ATP2B3: variants seen among roughly 807,000 people sequenced by gnomAD.
ATP2B3 encodes the protein plasma membrane calcium-transporting ATPase 3.
Under a neutral mutation model 70.8 loss-of-function variants are expected in ATP2B3, and 12 were observed. That is an observed-to-expected ratio of 0.17 (90% CI 0.11 to 0.27). The LOEUF (loss-of-function observed/expected upper bound fraction) is 0.27. Among genes scored for constraint, ATP2B3 ranks in the 10% least tolerant of loss-of-function variants. The pLI is 1.00. For missense variants in ATP2B3, 858 were observed against 1,118.5 expected (o/e 0.77, Z 3.32); for synonymous variants, 460 against 497.8 (o/e 0.92, Z 1.01).
chrX:153,532,174 A>G (rs782626460), intron 2 of ATP2B3, among the ~76,000 whole-genome samples: 1 of 112,538 alleles, frequency 8.9e-6, no homozygotes, highest in Admixed American at 9.3e-5. Flanking sequence ...AGTGAAAGAA[A>G]CATGTCTGTC....
At chrX:153,535,040 A>G (rs2090170163) in intron 2 of ATP2B3, among the ~76,000 whole-genome samples, 1 of 112,769 alleles carries the variant, frequency 8.9e-6, no homozygotes, top group African/African-American at 3.2e-5. Context: ...AGGCCAGGCC[A>G]TGTGCACTGA....
At chrX:153,551,775 G>A (rs1156959445) in intron 12 of ATP2B3, among the ~76,000 whole-genome samples, 3 of 112,218 alleles carry the variant, frequency 2.7e-5, no homozygotes, top group African/African-American at 6.5e-5. Flanking sequence ...ACAAAGTAAG[G>A]GAGAGTGCAC....
At chrX:153,522,097 A>G (rs1327437467) in intron 2 of ATP2B3, among the ~76,000 whole-genome samples, 2 of 112,502 alleles carry the variant, frequency 1.8e-5, no homozygotes, top group East Asian at 5.6e-4. Flanking sequence ...AGAGCTTAAC[A>G]GGTAGGGACA....
intron 4 of ATP2B3, 36 bp downstream of exon 4, chrX:153,541,592 G>C: frequency 8.3e-7 from 1 of 1,209,620 alleles, no homozygotes; most frequent in Non-Finnish European, 1.1e-6. Flanking sequence ...AGGAGGAAGA[G>C]GAATGGGGCT....
intron 21 of ATP2B3, among the ~76,000 whole-genome samples, chrX:153,566,316 C>T (rs2090706664): frequency 8.9e-6 from 1 of 112,952 alleles, no homozygotes; most frequent in Non-Finnish European, 1.9e-5. Context: ...AAGGACACCA[C>T]TGCACACTTG....
chrX:153,536,198 T>C lies in ATP2B3; in HGVS notation c.-50T>C. 2 of 1,161,733 alleles carry C rather than the reference T, an allele frequency of 1.7e-6. No homozygotes were observed. The highest frequency in any genetic ancestry group is 2.3e-6 in the Non-Finnish European group (2 of 866,817). ...GGGACCGTGGGTGGCCGCCTGTCCC[T>C]AGCTGTGGCTGAGCCAAGATTGCAC... On this transcript the variant is annotated 5_prime_UTR_variant, in exon 3 of 22. Coordinates refer to ENST00000263519, the MANE Select transcript of ATP2B3 (RefSeq NM_001001344.3).
chrX:153,524,244 G>A (rs2089999528), intron 2 of ATP2B3, among the ~76,000 whole-genome samples: 2 of 110,917 alleles, frequency 1.8e-5, no homozygotes, highest in South Asian at 7.7e-4. Context: ...GTGTCTGTGT[G>A]TGTGTGTGTG....
chrX:153,541,822 G>A lies in ATP2B3; in HGVS notation c.560G>A (p.Ser187Asn). 1 of 1,211,704 alleles carries A rather than the reference G, an allele frequency of 8.3e-7. No homozygotes were observed. Among genetic ancestry groups the A allele is most frequent in the Non-Finnish European group, 1.1e-6 (1 of 895,538 alleles). ...SKEKQFRGLQSRIEQEQKFTV... is the reference protein window; with the variant it reads ...SKEKQFRGLQNRIEQEQKFTV... ...GAGAAGCAGTTCCGAGGCCTGCAGAGCCGAATTGAGCAGGAGCAGAAGTTC... is the reference window on the plus strand; with the variant it reads ...GAGAAGCAGTTCCGAGGCCTGCAGAACCGAATTGAGCAGGAGCAGAAGTTC... Residue 187 changes from serine (S) to asparagine (N), a missense_variant, in exon 5 of 22, where the codon AGC becomes AAC. Transcript: ENST00000263519.
rs60106214 is a variant in ATP2B3 at position 153,556,924 on chromosome X, C to T, written c.2334C>T (p.Ile778=). 1.1e-4 allele frequency: 128 copies of T among 1,187,409 alleles called. No individual in the cohort carries two copies. Among genetic ancestry groups the T allele is most frequent in the South Asian group, 9.3e-4 (50 of 53,759 alleles). Residue 778 remains isoleucine, a synonymous_variant, in exon 16 of 22, where the codon ATC becomes ATT. Coordinates refer to ENST00000263519, the MANE Select transcript of ATP2B3 (RefSeq NM_001001344.3). Reference sequence around the variant, plus strand: ...CCCTGATCTGTCTTCCAGGGATTATCGACAGCACCACTGGTGAGCAGCGGC... The same window carrying T: ...CCCTGATCTGTCTTCCAGGGATTATTGACAGCACCACTGGTGAGCAGCGGC... ...TDKHTLVKGI[I]DSTTGEQRQV...
At chrX:153,522,718 C>T (rs2089975632) in intron 2 of ATP2B3, among the ~76,000 whole-genome samples, 2 of 111,869 alleles carry the variant, frequency 1.8e-5, no homozygotes, top group African/African-American at 6.5e-5. Context: ...GGCCTCTGTC[C>T]CAGCAGCTCA....
intron 7 of ATP2B3, among the ~76,000 whole-genome samples, chrX:153,544,974 C>T (rs1396512069): frequency 8.8e-6 from 1 of 113,053 alleles, no homozygotes; most frequent in Non-Finnish European, 1.9e-5. Context: ...GTGCGGTCAT[C>T]GCACTGCCAT....
At chrX:153,549,924 G>A in intron 11 of ATP2B3, 121 bp from the exon 12 acceptor site, 2 of 1,108,270 alleles carry the variant, frequency 1.8e-6, no homozygotes, top group South Asian at 4.4e-5. Context: ...ACCTTCCTCT[G>A]CTCCCTGCCG....
At chrX:153,555,926 G>A (rs1177926710) in intron 13 of ATP2B3, 123 bp from the exon 14 acceptor site, 1 of 772,196 alleles carries the variant, frequency 1.3e-6, no homozygotes, top group African/African-American at 2.1e-5. Flanking sequence ...TGAATCGGAT[G>A]GCTTTACTCT....
At chrX:153,519,957 G>A (rs998018138) in intron 2 of ATP2B3, among the ~76,000 whole-genome samples, 3 of 112,210 alleles carry the variant, frequency 2.7e-5, no homozygotes, top group Admixed American at 9.3e-5. Context: ...ATCGGCCCCC[G>A]AGGGGCAAGG....
intron 2 of ATP2B3, among the ~76,000 whole-genome samples, chrX:153,526,095 G>A (rs782391542): frequency 3.6e-5 from 4 of 112,574 alleles, no homozygotes; most frequent in Admixed American, 9.3e-5. Flanking sequence ...AGATGGAGAC[G>A]GGCAGGGTTG....
In ATP2B3 at chrX:153,581,137, C is replaced by G. The variant is rs1344621438; in HGVS notation, c.*839C>G. The G allele has an allele frequency of 9.2e-6, 1 of 108,756 alleles. No homozygotes were observed. The highest frequency in any genetic ancestry group is 2.9e-4 in the East Asian group (1 of 3,466). 9.0% of individuals were successfully genotyped at this position (108,756 alleles called of 1,213,427 possible). On this transcript the variant is annotated 3_prime_UTR_variant, in exon 22 of 22. Coordinates refer to ENST00000263519, the MANE Select transcript of ATP2B3 (RefSeq NM_001001344.3). ...CTGCAAGAATATCTTTCTGGTCAAC[C>G]CATTTTTGTCCCTCATCACCCCGCC...
rs2090909953 is a variant in ATP2B3 at position 153,580,411 on chromosome X, A to G, written c.*113A>G. 2 of 802,347 alleles carry G rather than the reference A, an allele frequency of 2.5e-6. No individual in the cohort carries two copies. Among genetic ancestry groups the G allele is most frequent in the Non-Finnish European group, 3.5e-6 (2 of 573,489 alleles). 66.1% of individuals were successfully genotyped at this position (802,347 alleles called of 1,213,427 possible). A position where few individuals can be genotyped will look rare whatever the true frequency, so the allele number is the denominator to read the frequency against. Reference sequence around the variant, plus strand: ...ACCTGCACACCTGCAAAACGAGGGAACAACTAAGGTGGCTGAAGACCTTTC... The same window carrying G: ...ACCTGCACACCTGCAAAACGAGGGAGCAACTAAGGTGGCTGAAGACCTTTC... On this transcript the variant is annotated 3_prime_UTR_variant, in exon 22 of 22. Coordinates refer to ENST00000263519, the MANE Select transcript of ATP2B3 (RefSeq NM_001001344.3).
chrX:153,550,320 A>G (rs781976874), intron 12 of ATP2B3, 34 bp downstream of exon 12: 1 of 1,206,302 alleles, frequency 8.3e-7, no homozygotes, highest in Non-Finnish European at 1.1e-6. Context: ...CGGGGTACGC[A>G]CGGAGTTTCT....
At chrX:153,554,878 G>C (rs1303495051) in intron 13 of ATP2B3, among the ~76,000 whole-genome samples, 3 of 111,091 alleles carry the variant, frequency 2.7e-5, no homozygotes, top group African/African-American at 1.0e-4. Context: ...GGCCCTTTGG[G>C]GCCATGGGGA....
Sources: gnomAD v4.1 joint callset for allele counts (sites outside exome capture counted in the v4.1 genomes callset) on GRCh38, gnomAD v4.1.1 for gene constraint, MANE v1.5 for transcripts, NCBI Gene and HGNC (gene_info 2026-07-23, HGNC 2026-07-21) for gene names.